Variants in SHISA9 observed in about 807,000 individuals in gnomAD.
SHISA9 encodes shisa family member 9, also known as protein shisa-9.
In SHISA9, 13 loss-of-function variants were observed where a neutral mutation model predicts 38.0. The observed-to-expected ratio is 0.34, with a 90% CI of 0.22 to 0.54. SHISA9 has a LOEUF of 0.54. SHISA9 is among the 20% of genes least tolerant of loss of function. SHISA9 has a pLI of 0.91. For synonymous variants in SHISA9, 275 were observed against 242.0 expected (o/e 1.14, Z -1.27); for missense variants, 538 against 575.8 (o/e 0.93, Z 0.67).
intron 4 of SHISA9, among the ~76,000 whole-genome samples, chr16:13,220,283 G>A (rs2051210690): frequency 6.6e-6 from 1 of 152,132 alleles, no homozygotes; most frequent in Admixed American, 6.5e-5. Flanking sequence ...ACTTGACTCT[G>A]CTCCATGTGC....
At chr16:13,233,555 G>A (rs1334751294) in intron 4 of SHISA9, among the ~76,000 whole-genome samples, 1 of 152,202 alleles carries the variant, frequency 6.6e-6, no homozygotes, top group African/African-American at 2.4e-5. Context: ...TGTCAGCTGA[G>A]TTTCAACCAG....
At chr16:12,993,995 G>A (rs2072424166) in intron 2 of SHISA9, among the ~76,000 whole-genome samples, 1 of 152,106 alleles carries the variant, frequency 6.6e-6, no homozygotes, top group South Asian at 2.1e-4. Context: ...AGAAAATGAA[G>A]TCAGAGACCC....
In SHISA9 at chr16:13,087,242, G is replaced by A. The variant is rs2073723305; in HGVS notation, c.692-116152G>A. 2.0e-5 allele frequency among the ~76,000 whole-genome samples: 3 copies of A among 149,332 alleles called. No individual in the cohort carries two copies. The South Asian group carries it at 6.4e-4, about 32-fold the overall frequency. The stretch of plus-strand genomic sequence containing the variant: ...CAGTCTATCATTGATGGACATTTGG[G>A]TTGGTTCCAAGTCTTTGCTATTGTG... On this transcript the variant is annotated intron_variant, in intron 2 of 4. Coordinates refer to ENST00000558583, the MANE Select transcript of SHISA9 (RefSeq NM_001145204.3).
intron 2 of SHISA9, among the ~76,000 whole-genome samples, chr16:12,943,360 A>G (rs2071646961): frequency 5.9e-5 from 5 of 85,126 alleles, no homozygotes; most frequent in African/African-American, 1.9e-4. Context: ...AGAGAGAGAG[A>G]GAGAGAGAGA....
intron 2 of SHISA9, among the ~76,000 whole-genome samples, chr16:12,974,224 T>C (rs1034747080): frequency 1.3e-5 from 2 of 152,264 alleles, no homozygotes; most frequent in African/African-American, 4.8e-5. Context: ...AGCGTATATC[T>C]GGACAAGCTT....
At chr16:13,396,034 C>T in the SHISA9 span, among the ~76,000 whole-genome samples, 3 of 152,236 alleles carry the variant, frequency 2.0e-5, no homozygotes, top group Non-Finnish European at 4.4e-5. Flanking sequence ...CATTCTAAGT[C>T]GTATGACTCA....
At chr16:13,253,298 A>G in the SHISA9 span, among the ~76,000 whole-genome samples, 11 of 152,142 alleles carry the variant, frequency 7.2e-5, no homozygotes, top group African/African-American at 1.9e-4. Context: ...AGTCAACTGT[A>G]TCGTGAGGCT....
chr16:13,117,271 C>T (rs567037749), intron 2 of SHISA9, among the ~76,000 whole-genome samples: 1 of 152,132 alleles, frequency 6.6e-6, no homozygotes, highest in Non-Finnish European at 1.5e-5. Context: ...CACTGTGCCT[C>T]GCCTATTTTA....
intron 2 of SHISA9, among the ~76,000 whole-genome samples, chr16:13,022,391 G>A (rs1280985583): frequency 2.0e-5 from 3 of 152,026 alleles, no homozygotes; most frequent in African/African-American, 7.2e-5. Context: ...GAGTGCAGTG[G>A]CACGGTCTTG....
chr16:13,230,364 A>C (rs1336484873), intron 4 of SHISA9, among the ~76,000 whole-genome samples: 1 of 152,214 alleles, frequency 6.6e-6, no homozygotes, highest in Non-Finnish European at 1.5e-5. Flanking sequence ...ACTGAAGGAG[A>C]ACAATGTTCA....
rs575874636 is a variant in SHISA9 at position 13,217,272 on chromosome 16, C to T, written c.895+3972C>T. On this transcript the variant is annotated intron_variant, in intron 4 of 4. Coordinates refer to ENST00000558583, the MANE Select transcript of SHISA9 (RefSeq NM_001145204.3). ...CAGCCTGGGTGACAGAGTGAGACTCCGTCTCAAAATAAATAAATAAATAAA... is the reference window on the plus strand; with the variant it reads ...CAGCCTGGGTGACAGAGTGAGACTCTGTCTCAAAATAAATAAATAAATAAA... 2.6e-3 allele frequency among the ~76,000 whole-genome samples: 396 copies of T among 151,834 alleles called. 3 individuals carry two copies. The highest frequency in any genetic ancestry group is 8.7e-3 in the African/African-American group (358 of 41,386).
At chr16:13,469,352 AAGAAAGAAAAGAAAAAG>A in the SHISA9 span, among the ~76,000 whole-genome samples, 138 of 128,188 alleles carry the variant, frequency 1.1e-3, no homozygotes, top group Middle Eastern at 3.9e-3. Context: ...GAAAGAAAGA[AAGAAAGAAAAGAAAAAG>A]AAAGAAAGAA....
At chr16:13,367,831 G>A in the SHISA9 span, among the ~76,000 whole-genome samples, 1 of 151,674 alleles carries the variant, frequency 6.6e-6, no homozygotes, top group Non-Finnish European at 1.5e-5. Flanking sequence ...CAGGTCATTA[G>A]CCTCCTAGCT....
chr16:12,968,984 G>C (rs191976643), intron 2 of SHISA9, among the ~76,000 whole-genome samples: 1 of 151,792 alleles, frequency 6.6e-6, no homozygotes, highest in African/African-American at 2.4e-5. Context: ...GTGAAACCCC[G>C]TCTCTACTAA....
chr16:13,472,194 C>T, the SHISA9 span, among the ~76,000 whole-genome samples: 1 of 152,006 alleles, frequency 6.6e-6, no homozygotes, highest in African/African-American at 2.4e-5. Context: ...TGTCACCCAC[C>T]CTTGCTTATT....
chr16:13,152,576 T>C (rs1236282904), intron 2 of SHISA9, among the ~76,000 whole-genome samples: 2 of 152,180 alleles, frequency 1.3e-5, no homozygotes, highest in Non-Finnish European at 2.9e-5. Context: ...ATGTCAATCA[T>C]TTTCCATTAT....
chr16:13,175,168 A>G (rs866235986), intron 2 of SHISA9, among the ~76,000 whole-genome samples: 15 of 151,886 alleles, frequency 9.9e-5, no homozygotes, highest in Middle Eastern at 3.4e-3. Flanking sequence ...GGAATTAGAG[A>G]CCAGCTTGGG....
the SHISA9 span, among the ~76,000 whole-genome samples, chr16:13,488,338 G>C: frequency 6.6e-6 from 1 of 151,930 alleles, no homozygotes; most frequent in African/African-American, 2.4e-5. Flanking sequence ...ATTATGAACT[G>C]TTATTGACCC....
the SHISA9 span, among the ~76,000 whole-genome samples, chr16:13,246,859 A>C: frequency 3.3e-5 from 5 of 152,092 alleles, no homozygotes; most frequent in Non-Finnish European, 5.9e-5. Context: ...TTAAAAAAAA[A>C]CAATAAATGT....
Sources: allele counts gnomAD v4.1 joint callset (sites outside exome capture counted in the v4.1 genomes callset), GRCh38; gene constraint gnomAD v4.1.1; transcripts MANE v1.5; gene names NCBI Gene and HGNC (gene_info 2026-07-23, HGNC 2026-07-21).